Variants in RANBP17 observed in about 807,000 individuals in gnomAD.
The protein encoded by RANBP17 is ran-binding protein 17.
A neutral mutation model predicts 141.2 loss-of-function variants in RANBP17; 158 were observed. The ratio of observed to expected loss-of-function variants is 1.12; its 90% CI spans 0.98 to 1.28. The LOEUF (loss-of-function observed/expected upper bound fraction) is 1.28, where lower values mean the gene tolerates loss of function less well. Among genes scored for constraint, RANBP17 ranks in the 50% most tolerant of loss-of-function variants. RANBP17 has a pLI of 0.00. For synonymous variants in RANBP17, 430 were observed against 450.0 expected, an observed-to-expected ratio of 0.96 and a Z score of 0.56; for missense variants, 1,438 against 1,290.7, an observed-to-expected ratio of 1.11 and a Z score of -1.75.
intron 25 of RANBP17, among the ~76,000 whole-genome samples, chr5:171,266,947 A>G (rs1033417015): frequency 6.6e-6 from 1 of 151,938 alleles, no homozygotes; most frequent in Non-Finnish European, 1.5e-5. Context: ...AAAAATTTTT[A>G]AAAAAACATA....
At chr5:171,275,224 G>C (rs1185656734) in intron 25 of RANBP17, among the ~76,000 whole-genome samples, 1 of 152,176 alleles carries the variant, frequency 6.6e-6, no homozygotes, top group African/African-American at 2.4e-5. Flanking sequence ...AGCAGTGATT[G>C]ATGGTTTAAT....
At chr5:171,072,651 A>G (rs1476369459) in intron 14 of RANBP17, among the ~76,000 whole-genome samples, 1 of 152,174 alleles carries the variant, frequency 6.6e-6, no homozygotes, top group Non-Finnish European at 1.5e-5. Flanking sequence ...CTGGAGCAGC[A>G]GGCATTCTCA....
At chr5:171,178,356 C>CT (rs1760649627) in intron 16 of RANBP17, among the ~76,000 whole-genome samples, 2 of 152,066 alleles carry the variant, frequency 1.3e-5, no homozygotes, top group South Asian at 4.2e-4. Flanking sequence ...TGAACTCATC[C>CT]TTTTTTATGG....
At chr5:170,910,531 G>A (rs1771443507) in intron 6 of RANBP17, 6 of 159,090 alleles carry the variant, frequency 3.8e-5, no homozygotes, top group Admixed American at 3.7e-4. Flanking sequence ...TTAAACAGTA[G>A]CAACTCATGG....
At chr5:171,207,881 TA>T (rs1315409881) in intron 20 of RANBP17, 1 of 152,216 alleles carries the variant, frequency 6.6e-6, no homozygotes, top group Non-Finnish European at 1.5e-5. Flanking sequence ...AAAGCTTTAT[TA>T]AAATATTTTG....
intron 7 of RANBP17, 197 bp downstream of exon 7, chr5:170,911,331 T>G (rs1406047259): frequency 2.9e-5 from 17 of 591,600 alleles, no homozygotes; most frequent in Non-Finnish European, 4.4e-5. Context: ...TATATTTTGA[T>G]TTAGGAAAAA....
intron 12 of RANBP17, among the ~76,000 whole-genome samples, chr5:170,950,384 AAAAC>A (rs977659991): frequency 1.3e-5 from 2 of 151,822 alleles, no homozygotes; most frequent in Non-Finnish European, 2.9e-5. Context: ...AAAAAAAACA[AAAAC>A]AAAAAAAAAA....
chr5:171,065,030 G>T (rs1300949513), intron 14 of RANBP17, among the ~76,000 whole-genome samples: 1 of 152,004 alleles, frequency 6.6e-6, no homozygotes, highest in African/African-American at 2.4e-5. Context: ...GTTTTTAATT[G>T]CATCTAGGAT....
At chr5:170,880,040 A>G (rs1354391350) in intron 2 of RANBP17, among the ~76,000 whole-genome samples, 1 of 152,190 alleles carries the variant, frequency 6.6e-6, no homozygotes, top group African/African-American at 2.4e-5. Context: ...TTGTTCAGCT[A>G]AGCCCTTTTC....
At chr5:171,079,420 G>A (rs962094979) in intron 14 of RANBP17, among the ~76,000 whole-genome samples, 1 of 152,244 alleles carries the variant, frequency 6.6e-6, no homozygotes, top group Non-Finnish European at 1.5e-5. Flanking sequence ...GGCAAGGTTT[G>A]AGAGCATTGA....
chr5:171,004,222 TC>T lies in RANBP17; in HGVS notation c.1710+35848del, dbSNP rs1334082168. Among the ~76,000 whole-genome samples, 6 of 151,982 alleles carry T rather than the reference TC, an allele frequency of 3.9e-5. 1 individual carries two copies. The highest frequency in any genetic ancestry group is 3.9e-4 in the Admixed American group (6 of 15,258). On this transcript the variant is annotated intron_variant, in intron 14 of 27. Coordinates refer to ENST00000523189, the MANE Select transcript of RANBP17 (RefSeq NM_022897.5). ...GGTTGCCAGGGAGGGAGTGGAGATG[TC>T]CCATACTTGCGGGTTAAGGTAGGAG...
intron 14 of RANBP17, among the ~76,000 whole-genome samples, chr5:171,099,563 C>T (rs1786979196): frequency 6.6e-6 from 1 of 152,168 alleles, no homozygotes; most frequent in Non-Finnish European, 1.5e-5. Flanking sequence ...GATAATTTAA[C>T]TTCCTCTCTT....
chr5:170,883,449 T>C (rs1768886343), intron 3 of RANBP17, among the ~76,000 whole-genome samples: 1 of 152,196 alleles, frequency 6.6e-6, no homozygotes, highest in Non-Finnish European at 1.5e-5. Context: ...ACATCATCAT[T>C]AACCAAAGTC....
intron 3 of RANBP17, among the ~76,000 whole-genome samples, chr5:170,885,868 C>CTT (rs33975152): frequency 0.029 from 4,093 of 139,360 alleles, 204 homozygotes; most frequent in African/African-American, 0.099. Flanking sequence ...CACTCTCCAC[C>CTT]TTTTTTTTTT....
chr5:171,028,174 A>G (rs985566041), intron 14 of RANBP17, among the ~76,000 whole-genome samples: 10 of 152,088 alleles, frequency 6.6e-5, no homozygotes, highest in Non-Finnish European at 1.2e-4. Context: ...AATAGTGTTG[A>G]TGGGGGGTGG....
intron 14 of RANBP17, among the ~76,000 whole-genome samples, chr5:171,007,024 G>A (rs1779678265): frequency 6.6e-6 from 1 of 152,154 alleles, no homozygotes; most frequent in Non-Finnish European, 1.5e-5. Flanking sequence ...TGCCTTCCGG[G>A]AGGTCTGGCT....
chr5:171,177,658 C>A (rs551525760), intron 16 of RANBP17, among the ~76,000 whole-genome samples: 33 of 152,312 alleles, frequency 2.2e-4, no homozygotes, highest in African/African-American at 7.7e-4. Context: ...GTAAAGCCAT[C>A]ATGAAATAGC....
chr5:170,986,032 TATAA>T (rs1299626422), intron 14 of RANBP17, among the ~76,000 whole-genome samples: 1 of 152,152 alleles, frequency 6.6e-6, no homozygotes, highest in Non-Finnish European at 1.5e-5. Flanking sequence ...AATAGTAATT[TATAA>T]ATAAAGTTAC....
Position 171,199,652 on chromosome 5 carries a change from C to T in RANBP17, c.2039-18C>T. ...CTATGCATTTTAAACCGTAGTGACC[C>T]TTTTGTTTCTCTGATAGGTGAAGAT... On this transcript the variant is annotated intron_variant, in intron 18 of 27. Transcript: ENST00000523189. The T allele has an allele frequency of 1.3e-6, 2 of 1,522,892 alleles. No individual in the cohort carries two copies. Among genetic ancestry groups the T allele is most frequent in the Non-Finnish European group, 1.8e-6 (2 of 1,100,030 alleles). 94.3% of individuals were successfully genotyped at this position (1,522,892 alleles called of 1,614,324 possible). A position where few individuals can be genotyped will look rare whatever the true frequency, so the allele number is the denominator to read the frequency against.
Sources: gnomAD v4.1 joint callset for allele counts (sites outside exome capture counted in the v4.1 genomes callset) on GRCh38, gnomAD v4.1.1 for gene constraint, MANE v1.5 for transcripts, NCBI Gene and HGNC (gene_info 2026-07-23, HGNC 2026-07-21) for gene names.